Variants in RBFOX1 observed in about 807,000 individuals in gnomAD.
RBFOX1 encodes RNA binding protein fox-1 homolog 1.
RBFOX1 carries 8 observed loss-of-function variants against 57.7 expected under a neutral mutation model. That is an observed-to-expected ratio of 0.14 (90% CI 0.08 to 0.25). The LOEUF is 0.25. Ranked by LOEUF, RBFOX1 falls within the 10% of genes least tolerant of loss-of-function variation. The probability of loss-of-function intolerance (pLI) is 1.00; values close to 1 mark genes in which losing one functional copy is unlikely to be tolerated. For synonymous variants in RBFOX1, 326 were observed against 222.4 expected (o/e 1.47, Z -4.15); for missense variants, 611 against 548.5 (o/e 1.11, Z -1.14).
chr16:6,109,187 C>G (rs982179595), intron 1 of RBFOX1, among the ~76,000 whole-genome samples: 5 of 152,146 alleles, frequency 3.3e-5, no homozygotes, highest in Non-Finnish European at 1.5e-5. Context: ...TTTCTGTGAG[C>G]TCATTGCCCC....
intron 1 of RBFOX1, among the ~76,000 whole-genome samples, chr16:6,114,646 G>T (rs563172494): frequency 6.6e-6 from 1 of 152,284 alleles, no homozygotes; most frequent in South Asian, 2.1e-4. Flanking sequence ...GACAAACAAT[G>T]ATATGCTTGC....
intron 4 of RBFOX1, among the ~76,000 whole-genome samples, chr16:7,272,037 G>A (rs1266566974): frequency 6.6e-6 from 1 of 152,172 alleles, no homozygotes; most frequent in Non-Finnish European, 1.5e-5. Context: ...ATACCACTTT[G>A]CAGAGAGAGT....
intron 1 of RBFOX1, among the ~76,000 whole-genome samples, chr16:6,063,009 C>T (rs1404566782): frequency 6.6e-6 from 1 of 152,144 alleles, no homozygotes; most frequent in Non-Finnish European, 1.5e-5. Context: ...GAAGCCCACC[C>T]ATATTTTTCA....
At chr16:5,442,040 CAT>C (rs989498573) in intron 1 of RBFOX1, among the ~76,000 whole-genome samples, 1 of 152,094 alleles carries the variant, frequency 6.6e-6, no homozygotes, top group Admixed American at 6.5e-5. Context: ...GGGAGATAGA[CAT>C]GTAATCAAGC....
chr16:7,153,770 T>G (rs2076556574), intron 4 of RBFOX1, among the ~76,000 whole-genome samples: 2 of 149,868 alleles, frequency 1.3e-5, no homozygotes, highest in Admixed American at 6.7e-5. Context: ...AAAGGACATG[T>G]GTTTTATTGT....
chr16:7,050,176 A>G (rs1365428468), intron 3 of RBFOX1, among the ~76,000 whole-genome samples: 2 of 150,516 alleles, frequency 1.3e-5, no homozygotes, highest in East Asian at 3.9e-4. Flanking sequence ...GGATATTTAT[A>G]GAATTGTACC....
Position 6,165,948 on chromosome 16 carries a change from C to T in RBFOX1, c.-127+145956C>T, listed in dbSNP as rs187292249. Among the ~76,000 whole-genome samples, 33 of 152,152 alleles carry T rather than the reference C, an allele frequency of 2.2e-4. No homozygotes were observed. In the East Asian group the frequency reaches 5.0e-3, roughly 23 times the overall value. ...GGAATTGCCGGGATGTTGTCATCAA[C>T]GATTTGATTTGATGGGAAAGGGATG... is the stretch of plus-strand genomic sequence containing the variant. On this transcript the variant is annotated intron_variant, in intron 1 of 15. Coordinates refer to ENST00000550418, the MANE Select transcript of RBFOX1 (RefSeq NM_018723.4).
chr16:7,129,526 A>G lies in RBFOX1; in HGVS notation c.27+77428A>G, dbSNP rs1266996495. ...TTCAAGGATAAGACCTTGCCATGAT[A>G]CTCTTGGATTACAATGGAGAGACAC... On this transcript the variant is annotated intron_variant, in intron 4 of 15. Transcript: ENST00000550418. Among the ~76,000 whole-genome samples, 3 of 152,038 alleles carry G rather than the reference A, an allele frequency of 2.0e-5. No individual in the cohort carries two copies. The East Asian group carries it at 5.8e-4, about 29-fold the overall frequency.
chr16:7,363,983 A>G (rs943221672), intron 4 of RBFOX1, among the ~76,000 whole-genome samples: 1 of 152,110 alleles, frequency 6.6e-6, no homozygotes, highest in African/African-American at 2.4e-5. Flanking sequence ...TTGAGGGGAA[A>G]TATTTTTGAA....
intron 2 of RBFOX1, among the ~76,000 whole-genome samples, chr16:6,650,875 C>T (rs1466650656): frequency 1.3e-5 from 2 of 152,062 alleles, no homozygotes; most frequent in African/African-American, 4.8e-5. Flanking sequence ...ACAATGGAGT[C>T]CCTAATGTTT....
chr16:6,140,278 A>C (rs983254917), intron 1 of RBFOX1, among the ~76,000 whole-genome samples: 1 of 149,792 alleles, frequency 6.7e-6, no homozygotes, highest in Non-Finnish European at 1.5e-5. Context: ...TGCAGCCTCC[A>C]CCTCCTGGGT....
intron 4 of RBFOX1, among the ~76,000 whole-genome samples, chr16:7,203,832 C>T (rs1000703085): frequency 2.0e-5 from 3 of 152,316 alleles, no homozygotes; most frequent in African/African-American, 7.2e-5. Flanking sequence ...TCTTACCGGC[C>T]ACGGATTTAA....
chr16:6,459,701 G>T (rs772166382), intron 2 of RBFOX1, among the ~76,000 whole-genome samples: 3 of 151,808 alleles, frequency 2.0e-5, no homozygotes, highest in Non-Finnish European at 2.9e-5. Context: ...CTCTTGCCGG[G>T]CACAGTGGCT....
At chr16:5,290,016 C>G (rs577036444) in intron 1 of RBFOX1, among the ~76,000 whole-genome samples, 4 of 152,284 alleles carry the variant, frequency 2.6e-5, no homozygotes, top group Non-Finnish European at 4.4e-5. Context: ...ATGGTTTGAC[C>G]ATGCAATGGA....
chr16:6,664,544 C>A (rs1246961673), intron 3 of RBFOX1, among the ~76,000 whole-genome samples: 1 of 152,146 alleles, frequency 6.6e-6, no homozygotes, highest in African/African-American at 2.4e-5. Context: ...CTCATTGTGT[C>A]CTTTTTCTCT....
chr16:7,607,373 T>A, intron 10 of RBFOX1, 35 bp downstream of exon 10: 1 of 1,587,834 alleles, frequency 6.3e-7, no homozygotes, highest in South Asian at 1.1e-5. Context: ...GTCTTCTCAG[T>A]CTTTTCTAAA....
chr16:5,392,573 G>A (rs762643386), intron 1 of RBFOX1, among the ~76,000 whole-genome samples: 6 of 148,010 alleles, frequency 4.1e-5, no homozygotes, highest in Non-Finnish European at 7.4e-5. Context: ...GGGTCTCATC[G>A]TGTCACCCAG....
chr16:7,539,187 T>C (rs8060394), intron 5 of RBFOX1, among the ~76,000 whole-genome samples: 97,025 of 151,948 alleles, frequency 0.64, 34,248 homozygotes, highest in Middle Eastern at 0.84. Flanking sequence ...ACCATGATAC[T>C]TTTTGAAGAA....
chr16:7,040,938 A>G (rs900494270), intron 3 of RBFOX1, among the ~76,000 whole-genome samples: 2 of 143,572 alleles, frequency 1.4e-5, no homozygotes, highest in African/African-American at 2.6e-5. Flanking sequence ...TGGGGGGGGA[A>G]GGAGTCTTGC....
Sources: allele counts gnomAD v4.1 joint callset (sites outside exome capture counted in the v4.1 genomes callset), GRCh38; gene constraint gnomAD v4.1.1; transcripts MANE v1.5; gene names NCBI Gene and HGNC (gene_info 2026-07-23, HGNC 2026-07-21).